CERS3: variants seen among roughly 807,000 people sequenced by gnomAD.
CERS3 encodes the protein LAG1 homolog, ceramide synthase 3.
Under a neutral mutation model 50.3 loss-of-function variants are expected in CERS3, and 33 were observed. The ratio of observed to expected loss-of-function variants is 0.66; its 90% CI spans 0.50 to 0.88. CERS3 has a LOEUF of 0.88. Among genes scored for constraint, CERS3 ranks in the 40% least tolerant of loss-of-function variants. The probability of loss-of-function intolerance (pLI) is 0.00; values close to 1 mark genes in which losing one functional copy is unlikely to be tolerated. For missense variants in CERS3, 470 were observed against 460.3 expected, an observed-to-expected ratio of 1.02 and a Z score of -0.19; for synonymous variants, 176 against 155.2, an observed-to-expected ratio of 1.13 and a Z score of -0.99.
chr15:100,503,422 A>T (rs2036069759), intron 2 of CERS3, among the ~76,000 whole-genome samples: 1 of 152,190 alleles, frequency 6.6e-6, no homozygotes, highest in African/African-American at 2.4e-5. Context: ...TGCTGGTGGG[A>T]CAAGCAGGCT....
At chr15:100,407,342 G>T (rs568011813) in intron 11 of CERS3, among the ~76,000 whole-genome samples, 16 of 152,088 alleles carry the variant, frequency 1.1e-4, no homozygotes, top group Non-Finnish European at 2.1e-4. Context: ...AACTGTATAG[G>T]GCCTGTTGGA....
chr15:100,445,915 A>T (rs974366391), intron 11 of CERS3, among the ~76,000 whole-genome samples: 1 of 152,224 alleles, frequency 6.6e-6, no homozygotes, highest in African/African-American at 2.4e-5. Flanking sequence ...AGAAGTGAAA[A>T]TGGCCTGTTC....
At chr15:100,430,562 T>C (rs1474585490) in intron 11 of CERS3, among the ~76,000 whole-genome samples, 1 of 152,158 alleles carries the variant, frequency 6.6e-6, no homozygotes, top group Admixed American at 6.5e-5. Context: ...TGCAGAAATG[T>C]CAAAAGCCCA....
chr15:100,489,132 T>C (rs1483222574), intron 4 of CERS3, among the ~76,000 whole-genome samples: 1 of 152,216 alleles, frequency 6.6e-6, no homozygotes, highest in African/African-American at 2.4e-5. Context: ...TATTAAACCA[T>C]ACTGTAATGT....
chr15:100,429,695 C>T (rs1050206116), intron 11 of CERS3, among the ~76,000 whole-genome samples: 4 of 152,146 alleles, frequency 2.6e-5, no homozygotes, highest in Non-Finnish European at 5.9e-5. Context: ...TAAACATTCC[C>T]CCATCCTTCA....
At chr15:100,426,619 T>C (rs1460378659) in intron 11 of CERS3, among the ~76,000 whole-genome samples, 1 of 152,216 alleles carries the variant, frequency 6.6e-6, no homozygotes, top group Non-Finnish European at 1.5e-5. Flanking sequence ...TGGATATATG[T>C]GTTGAAAGAG....
Position 100,401,754 on chromosome 15 carries a change from T to G in CERS3, c.*959A>C, listed in dbSNP as rs187639846. On this transcript the variant is annotated 3_prime_UTR_variant, in exon 12 of 12. Transcript: ENST00000679737. ...TTCCCCCGTGGAGGTCCCCAGGTAC[T>G]GTGCTGGCCTGAAGGAAGGGCTCAG... 6.6e-6 allele frequency: 1 copy of G among 152,328 alleles called. No homozygotes were observed. The highest frequency in any genetic ancestry group is 6.5e-5 in the Admixed American group (1 of 15,306). 9.4% of individuals were successfully genotyped at this position (152,328 alleles called of 1,614,324 possible).
At chr15:100,519,987 T>C (rs1014717737) in intron 2 of CERS3, among the ~76,000 whole-genome samples, 1 of 152,104 alleles carries the variant, frequency 6.6e-6, no homozygotes, top group African/African-American at 2.4e-5. Context: ...GAGGAGTCCA[T>C]AGGTTCAAGG....
chr15:100,503,937 GT>G, intron 2 of CERS3: 1 of 359,394 alleles, frequency 2.8e-6, no homozygotes, highest in Non-Finnish European at 5.6e-6. Flanking sequence ...GGGAGTGAAG[GT>G]CAAAGACATG....
chr15:100,535,800 GC>G (rs2037061079), intron 1 of CERS3, among the ~76,000 whole-genome samples: 3 of 118,364 alleles, frequency 2.5e-5, no homozygotes, highest in African/African-American at 9.6e-5. Flanking sequence ...ACATCCCTAT[GC>G]TCATATGTGC....
chr15:100,537,692 G>T (rs1375571803), intron 1 of CERS3, among the ~76,000 whole-genome samples: 1 of 152,180 alleles, frequency 6.6e-6, no homozygotes, highest in Non-Finnish European at 1.5e-5. Flanking sequence ...GGACATGTGA[G>T]GATTATGGAA....
chr15:100,487,915 C>T lies in CERS3; in HGVS notation c.288+2902G>A, dbSNP rs138996039. 1.1e-3 allele frequency among the ~76,000 whole-genome samples: 164 copies of T among 152,270 alleles called. 1 individual carries two copies. The highest frequency in any genetic ancestry group is 3.7e-3 in the African/African-American group (152 of 41,548). On this transcript the variant is annotated intron_variant, in intron 4 of 11. Transcript: ENST00000679737. ...TCTCTTCCAGAACTTACTTGCTCTGCATCAGTTCATATATATATAATTATT... is the reference window on the plus strand; with the variant it reads ...TCTCTTCCAGAACTTACTTGCTCTGTATCAGTTCATATATATATAATTATT...
chr15:100,498,364 C>A (rs2035895960), intron 3 of CERS3, among the ~76,000 whole-genome samples: 1 of 151,902 alleles, frequency 6.6e-6, no homozygotes, highest in African/African-American at 2.4e-5. Flanking sequence ...AAGAAAGAAG[C>A]ACAATAAATA....
At position 100,400,652 on chromosome 15, in the gene CERS3, A is replaced by T. The variant is rs1373896559; in HGVS notation, c.*2061T>A. On this transcript the variant is annotated 3_prime_UTR_variant, in exon 12 of 12. Transcript: ENST00000679737. ...TATCAATTTTACCTTCAACATTCAA[A>T]TAAGAAAAAAAACTGGAGATAGAGG... is the stretch of plus-strand genomic sequence containing the variant. 2 of 152,174 alleles carry T rather than the reference A, an allele frequency of 1.3e-5. No individual in the cohort carries two copies. The highest frequency in any genetic ancestry group is 2.4e-5 in the African/African-American group (1 of 41,444). 9.4% of individuals were successfully genotyped at this position (152,174 alleles called of 1,614,324 possible). A position where few individuals can be genotyped will look rare whatever the true frequency, so the allele number is the denominator to read the frequency against.
intron 2 of CERS3, among the ~76,000 whole-genome samples, chr15:100,517,308 T>C (rs1312269119): frequency 2.0e-5 from 3 of 152,242 alleles, no homozygotes; most frequent in South Asian, 4.1e-4. Flanking sequence ...CATTTCCTCA[T>C]TGATGGCACT....
intron 9 of CERS3, among the ~76,000 whole-genome samples, chr15:100,471,513 G>C (rs1485273192): frequency 6.6e-6 from 1 of 152,040 alleles, no homozygotes; most frequent in Non-Finnish European, 1.5e-5. Context: ...CACACCAAAG[G>C]CAATTGAATA....
chr15:100,435,090 A>G (rs1056627300), intron 11 of CERS3, among the ~76,000 whole-genome samples: 23 of 152,222 alleles, frequency 1.5e-4, no homozygotes, highest in Admixed American at 1.3e-3. Context: ...GCTCTCAGGA[A>G]GCAGCTCTCA....
At chr15:100,432,876 C>T (rs372034228) in intron 11 of CERS3, among the ~76,000 whole-genome samples, 39 of 152,226 alleles carry the variant, frequency 2.6e-4, no homozygotes, top group African/African-American at 4.6e-4. Context: ...TGCTGCTCTG[C>T]GGAGCTCTCC....
In CERS3 at chr15:100,497,359, GA is replaced by G. The variant is rs533364125; in HGVS notation, c.173+4317del. On this transcript the variant is annotated intron_variant, in intron 3 of 11. Transcript: ENST00000679737. ...GTGTATGTATATATATATATAGAGA[GA>G]AAAATACATATATATATGACAGGGT... Among the ~76,000 whole-genome samples the G allele has an allele frequency of 6.6e-5, 10 of 151,502 alleles. No homozygotes were observed. In the South Asian group the frequency reaches 2.1e-3, roughly 32 times the overall value.
Sources: allele counts gnomAD v4.1 joint callset (sites outside exome capture counted in the v4.1 genomes callset), GRCh38; gene constraint gnomAD v4.1.1; transcripts MANE v1.5; gene names NCBI Gene and HGNC (gene_info 2026-07-23, HGNC 2026-07-21).